The following PEX6 variants were observed in gnomAD, a reference collection of about 807,000 sequenced individuals.
PEX6 encodes the protein peroxisome biogenesis factor 6.
A neutral mutation model predicts 85.6 loss-of-function variants in PEX6; 55 were observed. The observed-to-expected ratio is 0.64, with a 90% CI of 0.52 to 0.80. The LOEUF (loss-of-function observed/expected upper bound fraction) is 0.80. Ranked by LOEUF, PEX6 falls within the 30% of genes least tolerant of loss-of-function variation. The pLI, the probability that PEX6 is intolerant of heterozygous loss-of-function variation, is 0.00. For synonymous variants in PEX6, 519 were observed against 549.1 expected, an observed-to-expected ratio of 0.95 and a Z score of 0.77; for missense variants, 1,099 against 1,260.3, an observed-to-expected ratio of 0.87 and a Z score of 1.94.
rs145243129 is a variant in PEX6, at chr6:42,964,371, C to T, written c.2907G>A (p.Arg969=). 1.2e-6 allele frequency: 2 copies of T among 1,613,748 alleles called. No homozygotes were observed. The highest frequency in any genetic ancestry group is 2.7e-5 in the African/African-American group (2 of 74,946). The change falls in exon 17 of 17, where the codon CGG becomes CGA. Residue 969 remains arginine (R), a synonymous_variant. Coordinates refer to ENST00000304611, the MANE Select transcript of PEX6 (RefSeq NM_000287.4). This position sits in a 1 kb window ranked among gnomAD's most constrained non-coding sequence, Gnocchi z 4.6. Reference sequence around the variant, plus strand: ...CAAACTTGCGCTGGATGCGCTTGTACCGGAGCAGCTCCTGCTCACTGACTG... The same window carrying T: ...CAAACTTGCGCTGGATGCGCTTGTATCGGAGCAGCTCCTGCTCACTGACTG... ...QPSVSEQELL[R]YKRIQRKFAA...
chr6:42,963,887 G>C lies in PEX6; in HGVS notation c.*448C>G, dbSNP rs577580882. On this transcript the variant is annotated 3_prime_UTR_variant, in exon 17 of 17. Transcript: ENST00000304611. Reference sequence around the variant, plus strand: ...GTCTTTTTCAGTTCCTGCATGCATTGTGTTTATTTATGTCAGAAGGATCAG... The same window carrying C: ...GTCTTTTTCAGTTCCTGCATGCATTCTGTTTATTTATGTCAGAAGGATCAG... 7.9e-5 allele frequency: 48 copies of C among 609,194 alleles called. 1 individual carries two copies. The highest frequency in any genetic ancestry group is 7.4e-4 in the South Asian group (44 of 59,278). 37.7% of individuals were successfully genotyped at this position (609,194 alleles called of 1,614,324 possible).
At chr6:42,974,791 T>C in intron 2 of PEX6, 84 bp downstream of exon 2, 1 of 1,283,736 alleles carries the variant, frequency 7.8e-7, no homozygotes, top group Non-Finnish European at 1.1e-6. Context: ...CCAGGGCCTC[T>C]GGGGTACTTG....
At chr6:42,977,240 C>G (rs1770335522) in intron 1 of PEX6, among the ~76,000 whole-genome samples, 1 of 146,552 alleles carries the variant, frequency 6.8e-6, no homozygotes, top group African/African-American at 2.6e-5. Flanking sequence ...ACATACACAT[C>G]TGAAACCTCA....
At position 42,966,262 on chromosome 6, in the gene PEX6, C is replaced by T. The variant is rs538125198; in HGVS notation, c.2280G>A (p.Glu760=). The T allele has an allele frequency of 6.8e-6, 11 of 1,612,350 alleles. No homozygotes were observed. In the African/African-American group the frequency reaches 1.1e-4, roughly 16 times the overall value. ...GCCACCTGAGGAAGGTAAGGCTGCA[C>T]TCAGTGGCTACTGCCTTGGCCAGAA... ...KTLLAKAVAT[E]CSLTFLSVKG... The change falls in exon 11 of 17, where the codon GAG becomes GAA. Residue 760 remains glutamate (E), a synonymous_variant. Transcript: ENST00000304611.
chr6:42,968,239 C>T (rs766678848), intron 7 of PEX6, 51 bp downstream of exon 7: 44 of 1,506,266 alleles, frequency 2.9e-5, no homozygotes, highest in East Asian at 4.5e-5. Context: ...TGTGAGCCAC[C>T]GCGCCCAGCC....
At chr6:42,974,824 G>A (rs757288408) in intron 2 of PEX6, 51 bp downstream of exon 2, 18 of 1,525,554 alleles carry the variant, frequency 1.2e-5, no homozygotes, top group Non-Finnish European at 1.6e-5. Context: ...GGGATAGGAG[G>A]AATGTAATGA....
Position 42,964,923 on chromosome 6 carries a change from C to T in PEX6, c.2673G>A (p.Lys891=), listed in dbSNP as rs1371801981. ...RVLSAITRKF[K]LEPSVSLVNV... ...TTACCAGGCTCACAGATGGCTCTAGCTTGAATCTGTTGTGGGATACAGGAA... is the reference window on the plus strand; with the variant it reads ...TTACCAGGCTCACAGATGGCTCTAGTTTGAATCTGTTGTGGGATACAGGAA... The change falls in exon 16 of 17, where the codon AAG becomes AAA. Residue 891 remains lysine, a synonymous_variant. Coordinates refer to ENST00000304611, the MANE Select transcript of PEX6 (RefSeq NM_000287.4). The surrounding 1 kb of genome is among the most constrained non-coding windows in gnomAD (Gnocchi z 4.6). The T allele has an allele frequency of 6.2e-7, 1 of 1,614,084 alleles. No homozygotes were observed. The highest frequency in any genetic ancestry group is 8.5e-7 in the Non-Finnish European group (1 of 1,180,046).
chr6:42,967,271 G>A (rs966092977), intron 8 of PEX6, 97 bp downstream of exon 8: 27 of 1,258,470 alleles, frequency 2.1e-5, no homozygotes, highest in Non-Finnish European at 2.6e-5. Flanking sequence ...GCCCGCGCTG[G>A]GTTTTCTACT....
chr6:42,964,656 TG>T lies in PEX6; in HGVS notation c.2806+133del. The T allele has an allele frequency of 7.5e-7, 1 of 1,335,302 alleles. No individual in the cohort carries two copies. Among genetic ancestry groups the T allele is most frequent in the East Asian group, 2.3e-5 (1 of 43,546 alleles). The allele number at this position is 1,335,302 out of a possible 1,614,324, so 82.7% of individuals were successfully genotyped here. A position where few individuals can be genotyped will look rare whatever the true frequency, so the allele number is the denominator to read the frequency against. On this transcript the variant is annotated intron_variant, in intron 16 of 16. Coordinates refer to ENST00000304611, the MANE Select transcript of PEX6 (RefSeq NM_000287.4). The surrounding 1 kb of genome is among the most constrained non-coding windows in gnomAD (Gnocchi z 4.6). ...TTTTTTTAGAGTTGGGGTCTCTCTG[TG>T]TTGCCCAGGCTGGCCTCAAACTCCT... is the stretch of plus-strand genomic sequence containing the variant.
Position 42,968,725 on chromosome 6 carries a change from C to T in PEX6, c.1479+149G>A, listed in dbSNP as rs1233069346. The T allele has an allele frequency of 6.4e-6, 5 of 775,396 alleles. No homozygotes were observed. The East Asian group carries it at 1.3e-4, about 20-fold the overall frequency. 48.0% of individuals were successfully genotyped at this position (775,396 alleles called of 1,614,324 possible). A position where few individuals can be genotyped will look rare whatever the true frequency, so the allele number is the denominator to read the frequency against. ...TCCTTGAAAGTACCTCTCCATAGCTCAGCATCATGGGAATATGCCTGACCC... is the reference window on the plus strand; with the variant it reads ...TCCTTGAAAGTACCTCTCCATAGCTTAGCATCATGGGAATATGCCTGACCC... On this transcript the variant is annotated intron_variant, in intron 6 of 16. Transcript: ENST00000304611.
Position 42,978,748 on chromosome 6 carries a change from C to G in PEX6, c.403G>C (p.Gly135Arg). 6.5e-7 allele frequency: 1 copy of G among 1,536,310 alleles called. No homozygotes were observed. Among genetic ancestry groups the G allele is most frequent in the Non-Finnish European group, 8.7e-7 (1 of 1,147,102 alleles). ...GGCCGCGTCTCCAGCACCCGCGGTC[C>G]GGGCACTGGGAGGGTCTCTCCGCGC... The part of the protein sequence containing the change: ...VRRGETLPVP[G>R]PRVLETRPAL... The change falls in exon 1 of 17, where the codon GGA becomes CGA. Residue 135 changes from glycine to arginine, a missense_variant. Transcript: ENST00000304611.
chr6:42,974,288 A>C (rs1186514336), intron 2 of PEX6, among the ~76,000 whole-genome samples: 2 of 152,180 alleles, frequency 1.3e-5, no homozygotes, highest in East Asian at 3.9e-4. Context: ...GATCAGAGAC[A>C]GATGAGTGGC....
chr6:42,976,389 A>G (rs9471986), intron 1 of PEX6, among the ~76,000 whole-genome samples: 85,842 of 151,790 alleles, frequency 0.57, 25,672 homozygotes, highest in African/African-American at 0.76. Flanking sequence ...TTGAGACAGA[A>G]TCTTGCTCTG....
rs955591362 is a variant in PEX6, at chr6:42,969,882, C to T, written c.1233+3G>A. 8.7e-6 allele frequency: 14 copies of T among 1,614,026 alleles called. No individual in the cohort carries two copies. Among genetic ancestry groups the T allele is most frequent in the Non-Finnish European group, 9.3e-6 (11 of 1,179,966 alleles). ...TGGTCTACACCCATCCTTGGGGCCT[C>T]ACCATGTACAAGGAGGTATGGGTGG... On this transcript the variant is annotated splice_donor_region_variant and intron_variant, in intron 4 of 16. Transcript: ENST00000304611.
chr6:42,963,983 C>A lies in PEX6; in HGVS notation c.*352G>T. On this transcript the variant is annotated 3_prime_UTR_variant, in exon 17 of 17. Transcript: ENST00000304611. The stretch of plus-strand genomic sequence containing the variant: ...TCCCACAACCCTGCTCTTTCTCACT[C>A]CAACCTTTCATGCCACAACACCAGT... 2.2e-6 allele frequency: 1 copy of A among 451,966 alleles called. No individual in the cohort carries two copies. Among genetic ancestry groups the A allele is most frequent in the Non-Finnish European group, 4.1e-6 (1 of 244,982 alleles). The allele number at this position is 451,966 out of a possible 1,614,324, so 28.0% of individuals were successfully genotyped here.
chr6:42,964,725 G>C lies in PEX6; in HGVS notation c.2806+65C>G. The C allele has an allele frequency of 6.2e-7, 1 of 1,602,954 alleles. No homozygotes were observed. Among genetic ancestry groups the C allele is most frequent in the South Asian group, 1.1e-5 (1 of 90,586 alleles). ...CCACCTCAGCCTCTCAAGTAGCTGG[G>C]ACTCAGGTGCACCCAGCTCCCCACT... On this transcript the variant is annotated intron_variant, in intron 16 of 16. Coordinates refer to ENST00000304611, the MANE Select transcript of PEX6 (RefSeq NM_000287.4). This position sits in a 1 kb window ranked among gnomAD's most constrained non-coding sequence, Gnocchi z 4.6.
chr6:42,971,378 T>G lies in PEX6; in HGVS notation c.1131-1391A>C, dbSNP rs1173762802. Among the ~76,000 whole-genome samples, 1 of 152,296 alleles carries G rather than the reference T, an allele frequency of 6.6e-6. No homozygotes were observed. Among genetic ancestry groups the G allele is most frequent in the Non-Finnish European group, 1.5e-5 (1 of 68,036 alleles). On this transcript the variant is annotated intron_variant, in intron 3 of 16. Coordinates refer to ENST00000304611, the MANE Select transcript of PEX6 (RefSeq NM_000287.4). The surrounding 1 kb of genome is among the most constrained non-coding windows in gnomAD (Gnocchi z 4.4). ...TGAGATGGGGGACAGCACTGTGGCA[T>G]AGGGAGAGACCACCTTCTTCAGTGG...
At chr6:42,967,212 G>A (rs927704290) in intron 8 of PEX6, among the ~76,000 whole-genome samples, 156 bp downstream of exon 8, 4 of 152,092 alleles carry the variant, frequency 2.6e-5, no homozygotes, top group South Asian at 2.1e-4. Context: ...CAGGTGATCC[G>A]CCCACCTCGG....
At position 42,967,361 on chromosome 6, in the gene PEX6, TACTC is replaced by T; in HGVS notation, c.1884+3_1884+6del. On this transcript the variant is annotated splice_donor_5th_base_variant and intron_variant, in intron 8 of 16. Transcript: ENST00000304611. ...AGGGAGGGCCAGTACTCTCCCTTGA[TACTC>T]ACTGCACACCGCCGTGCTAGCTGTG... is the stretch of plus-strand genomic sequence containing the variant. 1 of 1,611,250 alleles carries T rather than the reference TACTC, an allele frequency of 6.2e-7. No individual in the cohort carries two copies. Among genetic ancestry groups the T allele is most frequent in the Non-Finnish European group, 8.5e-7 (1 of 1,179,056 alleles).
Sources: gnomAD v4.1 joint callset for allele counts (sites outside exome capture counted in the v4.1 genomes callset) on GRCh38, gnomAD v4.1.1 for gene constraint, Gnocchi (gnomAD v3.1) non-coding constraint, MANE v1.5 for transcripts, NCBI Gene and HGNC (gene_info 2026-07-23, HGNC 2026-07-21) for gene names.